Variants in ESRRG observed in about 807,000 individuals in gnomAD.
ESRRG encodes the protein estrogen-related receptor gamma.
ESRRG carries 13 observed loss-of-function variants against 44.0 expected under a neutral mutation model. The ratio of observed to expected loss-of-function variants is 0.30; its 90% CI spans 0.19 to 0.47. The LOEUF is 0.47. Among genes scored for constraint, ESRRG ranks in the 20% least tolerant of loss-of-function variants. The probability of loss-of-function intolerance (pLI) is 1.00; values close to 1 mark genes in which losing one functional copy is unlikely to be tolerated. For missense variants in ESRRG, 395 were observed against 580.6 expected, an observed-to-expected ratio of 0.68 and a Z score of 3.29; for synonymous variants, 215 against 214.6, an observed-to-expected ratio of 1.00 and a Z score of -0.02.
chr1:216,986,863 A>G (rs2074964701), intron 1 of ESRRG, among the ~76,000 whole-genome samples: 2 of 152,212 alleles, frequency 1.3e-5, no homozygotes, highest in African/African-American at 4.8e-5. Context: ...TTCGACAACA[A>G]TCCTAAAAAT....
intron 2 of ESRRG, among the ~76,000 whole-genome samples, chr1:216,871,670 C>A (rs1362874647): frequency 6.6e-6 from 1 of 152,014 alleles, no homozygotes; most frequent in Non-Finnish European, 1.5e-5. Context: ...AGAATTGTTA[C>A]ATATGCTTGG....
intron 1 of ESRRG, among the ~76,000 whole-genome samples, chr1:217,036,368 T>G (rs988138489): frequency 6.6e-6 from 1 of 152,204 alleles, no homozygotes; most frequent in African/African-American, 2.4e-5. Flanking sequence ...CATGTGTATG[T>G]TCATTGCAGC....
chr1:216,942,821 T>C (rs1013494801), intron 1 of ESRRG, among the ~76,000 whole-genome samples: 1 of 152,210 alleles, frequency 6.6e-6, no homozygotes, highest in African/African-American at 2.4e-5. Flanking sequence ...TAGTCCTTTG[T>C]AGTATGCATA....
chr1:216,512,691 A>G (rs1173480227), intron 6 of ESRRG, among the ~76,000 whole-genome samples: 1 of 152,108 alleles, frequency 6.6e-6, no homozygotes, highest in Non-Finnish European at 1.5e-5. Flanking sequence ...TTATCGTGGT[A>G]GGCTGAAAAA....
At chr1:216,557,471 T>C (rs1421852296) in intron 5 of ESRRG, among the ~76,000 whole-genome samples, 3 of 152,104 alleles carry the variant, frequency 2.0e-5, no homozygotes, top group Admixed American at 2.0e-4. Flanking sequence ...TTAAATATAC[T>C]ATGTGTCTAA....
At chr1:217,098,978 C>G (rs1199686871) in intron 1 of ESRRG, among the ~76,000 whole-genome samples, 1 of 152,172 alleles carries the variant, frequency 6.6e-6, no homozygotes, top group Non-Finnish European at 1.5e-5. Flanking sequence ...TACTTTCCTG[C>G]TTTATTCTTT....
intron 2 of ESRRG, among the ~76,000 whole-genome samples, chr1:216,880,734 A>C (rs1027020765): frequency 1.3e-5 from 2 of 152,330 alleles, no homozygotes; most frequent in East Asian, 3.9e-4. Flanking sequence ...GTAAAACACT[A>C]AATATGGCAG....
chr1:216,945,488 G>A lies in ESRRG; in HGVS notation c.-105-5815C>T, dbSNP rs914848527. Among the ~76,000 whole-genome samples the A allele has an allele frequency of 3.3e-5, 5 of 151,974 alleles. 1 individual carries two copies. The highest frequency in any genetic ancestry group is 3.3e-4 in the Admixed American group (5 of 15,246). On this transcript the variant is annotated intron_variant, in intron 1 of 7. Transcript: ENST00000359162. The stretch of plus-strand genomic sequence containing the variant: ...ATTGGAACTGACTCTTTTAGAAATG[G>A]TTCAATTTTGTCTCCTAAAATCCAC...
At chr1:216,552,728 A>G (rs2056682129) in intron 5 of ESRRG, among the ~76,000 whole-genome samples, 1 of 152,142 alleles carries the variant, frequency 6.6e-6, no homozygotes, top group African/African-American at 2.4e-5. Context: ...AATTATCTCC[A>G]AAGGCCATTC....
intron 1 of ESRRG, among the ~76,000 whole-genome samples, chr1:217,115,423 C>T (rs1048631418): frequency 1.3e-5 from 2 of 152,124 alleles, no homozygotes; most frequent in African/African-American, 4.8e-5. Flanking sequence ...TTGCAAGCTG[C>T]ACCCTACAGG....
intron 5 of ESRRG, among the ~76,000 whole-genome samples, chr1:216,521,315 A>C (rs1043357691): frequency 1.3e-5 from 2 of 152,150 alleles, no homozygotes; most frequent in Non-Finnish European, 2.9e-5. Context: ...TAGCAATGTT[A>C]TATTCACAAC....
chr1:216,973,506 G>A (rs1427073916), intron 1 of ESRRG, among the ~76,000 whole-genome samples: 1 of 152,150 alleles, frequency 6.6e-6, no homozygotes, highest in East Asian at 1.9e-4. Flanking sequence ...AAGCAGTGCT[G>A]GACCCATATG....
At chr1:216,617,885 C>T (rs1449475196) in intron 3 of ESRRG, among the ~76,000 whole-genome samples, 2 of 152,130 alleles carry the variant, frequency 1.3e-5, no homozygotes, top group African/African-American at 4.8e-5. Context: ...GATACCCAAA[C>T]CATTGGATGT....
At chr1:216,659,813 T>G (rs2071772515) in intron 2 of ESRRG, among the ~76,000 whole-genome samples, 1 of 152,164 alleles carries the variant, frequency 6.6e-6, no homozygotes, top group Non-Finnish European at 1.5e-5. Context: ...CTTTATTATA[T>G]GTATCTGTGG....
At chr1:216,971,257 G>A (rs2071596724) in intron 1 of ESRRG, among the ~76,000 whole-genome samples, 1 of 152,204 alleles carries the variant, frequency 6.6e-6, no homozygotes, top group Non-Finnish European at 1.5e-5. Flanking sequence ...GAATCAAAGT[G>A]AGATCTATAA....
intron 1 of ESRRG, among the ~76,000 whole-genome samples, chr1:216,721,823 T>C (rs1160071184): frequency 6.6e-6 from 1 of 152,194 alleles, no homozygotes; most frequent in Non-Finnish European, 1.5e-5. Flanking sequence ...GAGCGGGCAG[T>C]CTTACCTTTG....
At chr1:216,730,805 A>G (rs1177884101) in intron 2 of ESRRG, among the ~76,000 whole-genome samples, 1 of 152,174 alleles carries the variant, frequency 6.6e-6, no homozygotes, top group African/African-American at 2.4e-5. Context: ...TGGTAGAAAA[A>G]GATAAAAAGA....
intron 1 of ESRRG, among the ~76,000 whole-genome samples, chr1:217,016,056 CAGG>C (rs1284776247): frequency 6.6e-6 from 1 of 151,846 alleles, no homozygotes; most frequent in East Asian, 1.9e-4. Flanking sequence ...TGGCTGATTT[CAGG>C]AGTAGACTGG....
chr1:217,049,015 C>CA (rs973260567), intron 1 of ESRRG, among the ~76,000 whole-genome samples: 4 of 152,144 alleles, frequency 2.6e-5, no homozygotes, highest in Non-Finnish European at 5.9e-5. Flanking sequence ...CTTTCCTCTC[C>CA]ATGACCACCT....
Sources: gnomAD v4.1 joint callset for allele counts (sites outside exome capture counted in the v4.1 genomes callset) on GRCh38, gnomAD v4.1.1 for gene constraint, MANE v1.5 for transcripts, NCBI Gene and HGNC (gene_info 2026-07-23, HGNC 2026-07-21) for gene names.